BMPR1B: variants seen among roughly 807,000 people sequenced by gnomAD.
The protein encoded by BMPR1B is bone morphogenetic protein receptor type 1B, also known as bone morphogenetic protein receptor type-1B.
In BMPR1B, 12 loss-of-function variants were observed where a neutral mutation model predicts 59.1. The observed-to-expected ratio is 0.20, with a 90% CI of 0.13 to 0.33. BMPR1B has a LOEUF of 0.33. Among genes scored for constraint, BMPR1B ranks in the 10% least tolerant of loss-of-function variants. The pLI is 1.00. For missense variants in BMPR1B, 550 were observed against 610.9 expected (o/e 0.90, Z 1.05); for synonymous variants, 237 against 207.3 (o/e 1.14, Z -1.23).
chr4:95,016,792 A>G (rs764710497), intron 3 of BMPR1B, among the ~76,000 whole-genome samples: 3 of 152,168 alleles, frequency 2.0e-5, no homozygotes, highest in South Asian at 2.1e-4. Context: ...AAATAAAAAT[A>G]TATTTGTCCC....
chr4:95,009,212 G>A (rs1210442210), intron 3 of BMPR1B, among the ~76,000 whole-genome samples: 2 of 152,186 alleles, frequency 1.3e-5, no homozygotes, highest in East Asian at 3.8e-4. Context: ...CAGCTGTATT[G>A]ATAAATTGAA....
chr4:94,968,223 A>C (rs1730629935), intron 2 of BMPR1B, among the ~76,000 whole-genome samples: 2 of 152,100 alleles, frequency 1.3e-5, no homozygotes, highest in Admixed American at 1.3e-4. Flanking sequence ...AAAGTGATTA[A>C]AGCTTTCTAG....
intron 2 of BMPR1B, among the ~76,000 whole-genome samples, chr4:94,925,735 G>C (rs1464112431): frequency 2.0e-5 from 3 of 152,124 alleles, no homozygotes; most frequent in African/African-American, 7.2e-5. Context: ...ATATTTGTAA[G>C]GACTTGAACC....
intron 3 of BMPR1B, among the ~76,000 whole-genome samples, chr4:95,069,023 T>G (rs1014605218): frequency 6.6e-6 from 1 of 152,174 alleles, no homozygotes; most frequent in Non-Finnish European, 1.5e-5. Context: ...AAGCTTAGGT[T>G]TTTACCAATA....
intron 10 of BMPR1B, among the ~76,000 whole-genome samples, chr4:95,133,664 G>A (rs564597011): frequency 6.6e-6 from 1 of 151,864 alleles, no homozygotes; most frequent in South Asian, 2.1e-4. Flanking sequence ...CTTGACCTTC[G>A]AGGCCCAAGC....
intron 2 of BMPR1B, among the ~76,000 whole-genome samples, chr4:94,975,367 T>TTGTTTTTG (rs201478219): frequency 7.1e-6 from 1 of 140,932 alleles, no homozygotes; most frequent in African/African-American, 2.7e-5. Context: ...GTTTTTGTTT[T>TTGTTTTTG]TTTTTTTTTT....
At chr4:95,042,001 C>T (rs549995384) in intron 3 of BMPR1B, among the ~76,000 whole-genome samples, 5 of 152,188 alleles carry the variant, frequency 3.3e-5, no homozygotes, top group East Asian at 1.9e-4. Context: ...GGACCATAGG[C>T]GCCAGCCACC....
At chr4:94,902,216 TCACACACA>T (rs748411550) in intron 2 of BMPR1B, among the ~76,000 whole-genome samples, 21 of 77,392 alleles carry the variant, frequency 2.7e-4, no homozygotes, top group South Asian at 6.6e-4. Flanking sequence ...GAAATTCAAT[TCACACACA>T]CACACACACA....
At chr4:95,069,171 C>T (rs976775607) in intron 3 of BMPR1B, among the ~76,000 whole-genome samples, 3 of 152,210 alleles carry the variant, frequency 2.0e-5, no homozygotes, top group African/African-American at 7.2e-5. Flanking sequence ...GACCACTTCT[C>T]ATCACCTCCA....
chr4:94,774,020 G>T (rs1200453648), intron 1 of BMPR1B, among the ~76,000 whole-genome samples: 1 of 151,976 alleles, frequency 6.6e-6, no homozygotes, highest in Non-Finnish European at 1.5e-5. Flanking sequence ...TTATTTTCAG[G>T]TTGATTAGTA....
At chr4:94,802,460 A>G (rs753053667) in intron 1 of BMPR1B, among the ~76,000 whole-genome samples, 2 of 152,194 alleles carry the variant, frequency 1.3e-5, no homozygotes, top group Non-Finnish European at 2.9e-5. Flanking sequence ...CAGGGAGGTC[A>G]ATGAAGAGAG....
intron 3 of BMPR1B, among the ~76,000 whole-genome samples, chr4:95,038,030 G>A (rs761216701): frequency 6.6e-6 from 1 of 152,142 alleles, no homozygotes; most frequent in Admixed American, 6.5e-5. Flanking sequence ...AGCAGTGTAA[G>A]GAGGATTGAG....
chr4:94,823,152 T>C (rs1046099761), intron 1 of BMPR1B, among the ~76,000 whole-genome samples: 1 of 152,232 alleles, frequency 6.6e-6, no homozygotes, highest in Non-Finnish European at 1.5e-5. Context: ...ATTGAAATCA[T>C]TTGTTAATGA....
intron 2 of BMPR1B, among the ~76,000 whole-genome samples, chr4:94,939,660 G>T (rs1437026126): frequency 6.6e-6 from 1 of 152,144 alleles, no homozygotes; most frequent in African/African-American, 2.4e-5. Context: ...ATAGAGACAG[G>T]CAGCTAGAGG....
chr4:94,785,582 A>C (rs367781248), intron 1 of BMPR1B, among the ~76,000 whole-genome samples: 39 of 152,298 alleles, frequency 2.6e-4, no homozygotes, highest in African/African-American at 9.4e-4. Context: ...AAGACTTTAG[A>C]AAAGAAAAAG....
intron 3 of BMPR1B, among the ~76,000 whole-genome samples, chr4:95,095,364 T>C (rs1388326917): frequency 6.6e-6 from 1 of 152,072 alleles, no homozygotes; most frequent in East Asian, 1.9e-4. Context: ...AGAAAGAAAA[T>C]GGGCATTGAT....
chr4:95,028,922 A>G (rs1422924982), intron 3 of BMPR1B, among the ~76,000 whole-genome samples: 1 of 152,068 alleles, frequency 6.6e-6, no homozygotes, highest in African/African-American at 2.4e-5. Flanking sequence ...GAAGAAATTT[A>G]AAAGTAAAAT....
intron 2 of BMPR1B, among the ~76,000 whole-genome samples, chr4:94,970,662 A>T (rs1578864876): frequency 6.6e-6 from 1 of 152,158 alleles, no homozygotes; most frequent in African/African-American, 2.4e-5. Context: ...TTATGGGTAC[A>T]TAAAAGTTGT....
At chr4:94,859,047 T>G (rs1480778496) in intron 1 of BMPR1B, among the ~76,000 whole-genome samples, 1 of 152,222 alleles carries the variant, frequency 6.6e-6, no homozygotes, top group African/African-American at 2.4e-5. Flanking sequence ...ATTTTATTAA[T>G]GCAAGACTTT....
Sources: gnomAD v4.1 joint callset for allele counts (sites outside exome capture counted in the v4.1 genomes callset) on GRCh38, gnomAD v4.1.1 for gene constraint, MANE v1.5 for transcripts, NCBI Gene and HGNC (gene_info 2026-07-23, HGNC 2026-07-21) for gene names.